Variants in ANKS1B observed in about 807,000 individuals in gnomAD.
ANKS1B encodes ankyrin repeat and sterile alpha motif domain containing 1B.
A neutral mutation model predicts 148.3 loss-of-function variants in ANKS1B; 36 were observed. The observed-to-expected ratio is 0.24, with a 90% CI of 0.19 to 0.32. ANKS1B has a LOEUF of 0.32. ANKS1B is among the 10% of genes least tolerant of loss of function. The pLI, the probability that ANKS1B is intolerant of heterozygous loss-of-function variation, is 1.00. For synonymous variants in ANKS1B, 542 were observed against 560.8 expected (o/e 0.97, Z 0.47); for missense variants, 1,157 against 1,542.6 (o/e 0.75, Z 4.19).
At chr12:99,356,935 A>AC (rs2092043659) in intron 12 of ANKS1B, among the ~76,000 whole-genome samples, 1 of 113,536 alleles carries the variant, frequency 8.8e-6, no homozygotes, top group African/African-American at 2.6e-5. Flanking sequence ...ATTCTTCTAG[A>AC]CTTTTTTTTT....
chr12:99,240,833 T>A (rs183415311), intron 14 of ANKS1B, among the ~76,000 whole-genome samples: 1 of 152,298 alleles, frequency 6.6e-6, no homozygotes, highest in African/African-American at 2.4e-5. Context: ...GAAATAAAGA[T>A]GTTCTTTGAA....
chr12:99,710,371 G>C (rs1297377876), intron 8 of ANKS1B, among the ~76,000 whole-genome samples: 4 of 152,086 alleles, frequency 2.6e-5, no homozygotes, highest in African/African-American at 7.2e-5. Flanking sequence ...TGCCTCCAAG[G>C]ATAATTAAAG....
chr12:99,196,897 A>G (rs7297508), intron 14 of ANKS1B, among the ~76,000 whole-genome samples: 10,888 of 152,112 alleles, frequency 0.072, 1,262 homozygotes, highest in African/African-American at 0.24. Context: ...AGGTAGTTGT[A>G]TCTCATAAGC....
At chr12:99,388,997 C>T (rs888001684) in intron 12 of ANKS1B, among the ~76,000 whole-genome samples, 9 of 152,132 alleles carry the variant, frequency 5.9e-5, no homozygotes, top group African/African-American at 2.2e-4. Flanking sequence ...ATCACCTTTG[C>T]CATTGGCTAG....
intron 14 of ANKS1B, among the ~76,000 whole-genome samples, chr12:99,226,254 T>C (rs1205789377): frequency 6.6e-6 from 1 of 152,160 alleles, no homozygotes; most frequent in Non-Finnish European, 1.5e-5. Context: ...TAGAGTCCTG[T>C]TTTCTTTCTT....
intron 9 of ANKS1B, among the ~76,000 whole-genome samples, chr12:99,527,205 T>A (rs949546383): frequency 4.0e-5 from 6 of 151,784 alleles, no homozygotes; most frequent in African/African-American, 1.4e-4. Flanking sequence ...AATATAGAGT[T>A]AAAAAAAACA....
intron 15 of ANKS1B, among the ~76,000 whole-genome samples, chr12:99,085,466 TATGA>T (rs1239508160): frequency 6.6e-6 from 1 of 152,184 alleles, no homozygotes; most frequent in African/African-American, 2.4e-5. Flanking sequence ...TACACATTGA[TATGA>T]ATGAATCATT....
Position 98,751,240 on chromosome 12 carries a change from G to C in ANKS1B, c.3747+115C>G, listed in dbSNP as rs2098082075. ...CATGCCAGGAGGAGGCCAAGGGAAA[G>C]GATGAAGAAGAGGCCCTGGGTTCTA... On this transcript the variant is annotated intron_variant, in intron 26 of 26. Transcript: ENST00000683438. The surrounding 1 kb of genome is among the most constrained non-coding windows in gnomAD (Gnocchi z 4.3). 4.6e-6 allele frequency: 5 copies of C among 1,089,176 alleles called. No individual in the cohort carries two copies. The highest frequency in any genetic ancestry group is 6.5e-6 in the Non-Finnish European group (5 of 766,066). 67.5% of individuals were successfully genotyped at this position (1,089,176 alleles called of 1,614,324 possible).
At chr12:99,037,301 G>A (rs1056131703) in intron 17 of ANKS1B, among the ~76,000 whole-genome samples, 6 of 152,094 alleles carry the variant, frequency 3.9e-5, no homozygotes, top group Non-Finnish European at 8.8e-5. Flanking sequence ...CAGATCACGA[G>A]GTCAGGAGTT....
chr12:98,767,963 G>C (rs1407874922), intron 25 of ANKS1B, among the ~76,000 whole-genome samples: 3 of 152,158 alleles, frequency 2.0e-5, no homozygotes, highest in African/African-American at 7.2e-5. Flanking sequence ...TCATTTAAGA[G>C]CAGAGGAGAG....
chr12:99,158,065 A>G (rs946724830), intron 14 of ANKS1B, among the ~76,000 whole-genome samples: 1 of 152,066 alleles, frequency 6.6e-6, no homozygotes, highest in African/African-American at 2.4e-5. Context: ...AGGAAGGTAT[A>G]AAAGAGAGGG....
intron 12 of ANKS1B, among the ~76,000 whole-genome samples, chr12:99,299,735 T>A (rs971758485): frequency 6.6e-6 from 1 of 152,208 alleles, no homozygotes; most frequent in African/African-American, 2.4e-5. Context: ...ATTTGGGAAA[T>A]AGATTAATCA....
At chr12:98,845,721 A>G (rs2099455073) in intron 17 of ANKS1B, among the ~76,000 whole-genome samples, 1 of 150,960 alleles carries the variant, frequency 6.6e-6, no homozygotes, top group African/African-American at 2.4e-5. Flanking sequence ...AGATAATTAA[A>G]ACTTTTTTTT....
At chr12:99,646,453 C>A (rs35649417) in intron 9 of ANKS1B, among the ~76,000 whole-genome samples, 2 of 151,834 alleles carry the variant, frequency 1.3e-5, no homozygotes, top group African/African-American at 4.8e-5. Flanking sequence ...GTCAGGAGTT[C>A]GAGACCAGCC....
At chr12:99,516,853 A>C (rs1468266168) in intron 9 of ANKS1B, among the ~76,000 whole-genome samples, 1 of 151,374 alleles carries the variant, frequency 6.6e-6, no homozygotes, top group African/African-American at 2.5e-5. Context: ...TGTGTTCTCT[A>C]TTCTATTCCA....
intron 10 of ANKS1B, among the ~76,000 whole-genome samples, chr12:99,487,833 T>C (rs1481336218): frequency 6.6e-6 from 1 of 152,164 alleles, no homozygotes; most frequent in Non-Finnish European, 1.5e-5. Flanking sequence ...ATATGTCTAT[T>C]AAATCAAGCT....
intron 17 of ANKS1B, among the ~76,000 whole-genome samples, chr12:99,030,033 C>T (rs11109705): frequency 3.9e-5 from 6 of 152,108 alleles, no homozygotes; most frequent in Admixed American, 1.3e-4. Flanking sequence ...GGAACAGTCA[C>T]GAAACCATAA....
At chr12:99,052,130 C>T (rs1295279334) in intron 17 of ANKS1B, among the ~76,000 whole-genome samples, 1 of 152,096 alleles carries the variant, frequency 6.6e-6, no homozygotes, top group Non-Finnish European at 1.5e-5. Context: ...AAATGAATGA[C>T]CATTTTATGT....
At chr12:99,115,919 C>T (rs910456285) in intron 15 of ANKS1B, among the ~76,000 whole-genome samples, 28 of 129,806 alleles carry the variant, frequency 2.2e-4, no homozygotes, top group Middle Eastern at 9.3e-3. Flanking sequence ...GCAACAAGAG[C>T]GAGACTCCGT....
Sources: gnomAD v4.1 joint callset for allele counts (sites outside exome capture counted in the v4.1 genomes callset) on GRCh38, gnomAD v4.1.1 for gene constraint, Gnocchi (gnomAD v3.1) non-coding constraint, MANE v1.5 for transcripts, NCBI Gene and HGNC (gene_info 2026-07-23, HGNC 2026-07-21) for gene names.